The following IL1RAPL1 variants were observed in gnomAD, a reference collection of about 807,000 sequenced individuals.
IL1RAPL1 encodes the protein interleukin-1 receptor accessory protein-like 1.
A neutral mutation model predicts 48.4 loss-of-function variants in IL1RAPL1; 3 were observed. That is an observed-to-expected ratio of 0.06 (90% confidence interval 0.03 to 0.16). IL1RAPL1 has a LOEUF of 0.16. Ranked by LOEUF, IL1RAPL1 falls within the 10% of genes least tolerant of loss-of-function variation. IL1RAPL1 has a pLI of 1.00. For missense variants in IL1RAPL1, 349 were observed against 530.6 expected (o/e 0.66, Z 3.36); for synonymous variants, 185 against 187.7 (o/e 0.99, Z 0.12).
intron 2 of IL1RAPL1, among the ~76,000 whole-genome samples, chrX:29,201,849 C>G (rs1479656749): frequency 2.7e-5 from 3 of 111,224 alleles, no homozygotes; most frequent in Non-Finnish European, 5.7e-5. Flanking sequence ...TGCGCCACCA[C>G]GCCTGGCTAA....
chrX:29,758,319 G>C (rs1318257625), intron 6 of IL1RAPL1, among the ~76,000 whole-genome samples: 2 of 111,221 alleles, frequency 1.8e-5, no homozygotes, highest in Non-Finnish European at 3.8e-5. Flanking sequence ...ACAAAATATG[G>C]CAAGACGGGG....
At chrX:28,644,364 C>T (rs1934583380) in intron 1 of IL1RAPL1, among the ~76,000 whole-genome samples, 1 of 111,747 alleles carries the variant, frequency 8.9e-6, no homozygotes, top group Non-Finnish European at 1.9e-5. Flanking sequence ...TACATCTCAT[C>T]TTGTTTAGAA....
chrX:29,197,207 A>T (rs191318549), intron 2 of IL1RAPL1, among the ~76,000 whole-genome samples: 48 of 112,156 alleles, frequency 4.3e-4, no homozygotes, highest in Non-Finnish European at 8.3e-4. Flanking sequence ...ATTAAGTAGA[A>T]TCTGAAAGTT....
At chrX:29,696,784 A>G (rs1436543269) in intron 6 of IL1RAPL1, among the ~76,000 whole-genome samples, 2 of 110,094 alleles carry the variant, frequency 1.8e-5, no homozygotes, top group Non-Finnish European at 1.9e-5. Flanking sequence ...AATAATAACA[A>G]TCGCCTTTTT....
At chrX:29,454,339 C>T (rs1934714575) in intron 5 of IL1RAPL1, among the ~76,000 whole-genome samples, 2 of 111,686 alleles carry the variant, frequency 1.8e-5, no homozygotes, top group African/African-American at 6.5e-5. Context: ...GTGTATGTAC[C>T]TCAGTTGGAA....
intron 1 of IL1RAPL1, among the ~76,000 whole-genome samples, chrX:28,716,421 T>C (rs1351141299): frequency 1.8e-5 from 2 of 111,463 alleles, no homozygotes; most frequent in Non-Finnish European, 3.8e-5. Context: ...AAAAAAGCAA[T>C]GGGGAAAGGA....
intron 2 of IL1RAPL1, among the ~76,000 whole-genome samples, chrX:29,278,899 A>C (rs1932157199): frequency 8.9e-6 from 1 of 112,286 alleles, no homozygotes; most frequent in African/African-American, 3.2e-5. Flanking sequence ...TATATTTTTA[A>C]AGTCTTTATT....
At chrX:29,353,194 A>T (rs747487217) in intron 3 of IL1RAPL1, among the ~76,000 whole-genome samples, 2 of 111,929 alleles carry the variant, frequency 1.8e-5, no homozygotes, top group African/African-American at 6.5e-5. Flanking sequence ...GAAATAAAAG[A>T]TGTTAAGCAA....
At chrX:29,523,870 C>A (rs1935526757) in intron 5 of IL1RAPL1, among the ~76,000 whole-genome samples, 1 of 110,058 alleles carries the variant, frequency 9.1e-6, no homozygotes, top group Admixed American at 9.7e-5. Flanking sequence ...TTTTTTATTT[C>A]TTTGTAAATT....
intron 2 of IL1RAPL1, among the ~76,000 whole-genome samples, chrX:28,951,767 C>G (rs1185313286): frequency 9.0e-6 from 1 of 111,644 alleles, no homozygotes; most frequent in East Asian, 2.8e-4. Flanking sequence ...ATGTAGTTCA[C>G]TATAGTGGAG....
chrX:29,397,971 G>A (rs886361543), intron 4 of IL1RAPL1, among the ~76,000 whole-genome samples: 2 of 111,716 alleles, frequency 1.8e-5, no homozygotes, highest in African/African-American at 6.5e-5. Context: ...CAATAATTTT[G>A]ACCTTAAGCT....
intron 5 of IL1RAPL1, among the ~76,000 whole-genome samples, chrX:29,518,783 C>T (rs1369977774): frequency 5.4e-5 from 6 of 111,730 alleles, no homozygotes; most frequent in Admixed American, 3.8e-4. Context: ...CTCCAGAATT[C>T]GGAGCAGGGA....
At chrX:29,834,074 C>A (rs1439556186) in intron 6 of IL1RAPL1, among the ~76,000 whole-genome samples, 1 of 111,999 alleles carries the variant, frequency 8.9e-6, no homozygotes, top group African/African-American at 3.2e-5. Context: ...ATAGAAAAAT[C>A]TTTATTTCAG....
chrX:29,281,581 A>C (rs1336659458), intron 2 of IL1RAPL1, among the ~76,000 whole-genome samples: 2 of 110,728 alleles, frequency 1.8e-5, no homozygotes, highest in Admixed American at 1.9e-4. Flanking sequence ...GTGACTGTTT[A>C]CCTCTGTCTC....
intron 2 of IL1RAPL1, among the ~76,000 whole-genome samples, chrX:28,812,326 T>G (rs1450936302): frequency 1.8e-5 from 2 of 110,853 alleles, no homozygotes; most frequent in Non-Finnish European, 3.8e-5. Context: ...TGCCAAAGAA[T>G]CACTCTCTGA....
At chrX:29,016,720 C>T (rs1926250105) in intron 2 of IL1RAPL1, among the ~76,000 whole-genome samples, 1 of 110,898 alleles carries the variant, frequency 9.0e-6, no homozygotes, top group Admixed American at 9.7e-5. Context: ...TATAGTAATT[C>T]TGTAATATAG....
intron 6 of IL1RAPL1, among the ~76,000 whole-genome samples, chrX:29,790,142 C>T (rs1476063863): frequency 9.0e-6 from 1 of 111,201 alleles, no homozygotes; most frequent in Non-Finnish European, 1.9e-5. Flanking sequence ...TGTTTCTTTA[C>T]GAAAATAAAG....
chrX:29,315,685 C>T (rs1280755684), intron 3 of IL1RAPL1, among the ~76,000 whole-genome samples: 3 of 111,529 alleles, frequency 2.7e-5, no homozygotes, highest in Non-Finnish European at 5.6e-5. Flanking sequence ...AACAAGGAGT[C>T]AGTAGAGGTT....
chrX:29,816,561 C>T (rs1324336898), intron 6 of IL1RAPL1, among the ~76,000 whole-genome samples: 1 of 110,441 alleles, frequency 9.1e-6, no homozygotes, highest in African/African-American at 3.3e-5. Flanking sequence ...TAGGGACTCT[C>T]CCTAACTCAT....
Sources: gnomAD v4.1 joint callset for allele counts (sites outside exome capture counted in the v4.1 genomes callset) on GRCh38, gnomAD v4.1.1 for gene constraint, MANE v1.5 for transcripts, NCBI Gene and HGNC (gene_info 2026-07-23, HGNC 2026-07-21) for gene names.